The following FGD4 variants were observed in gnomAD, a reference collection of about 807,000 sequenced individuals.
FGD4 encodes FYVE, RhoGEF and PH domain-containing protein 4.
In FGD4, 42 loss-of-function variants were observed where a neutral mutation model predicts 102.0. The observed-to-expected ratio is 0.41, with a 90% CI of 0.32 to 0.53. The LOEUF (loss-of-function observed/expected upper bound fraction) is 0.53, where lower values mean the gene tolerates loss of function less well. Ranked by LOEUF, FGD4 falls within the 20% of genes least tolerant of loss-of-function variation. The probability of loss-of-function intolerance (pLI) is 0.21; values close to 1 mark genes in which losing one functional copy is unlikely to be tolerated. For synonymous variants in FGD4, 380 were observed against 375.7 expected, an observed-to-expected ratio of 1.01 and a Z score of -0.13; for missense variants, 902 against 1,078.2, an observed-to-expected ratio of 0.84 and a Z score of 2.29.
chr12:32,429,924 G>C (rs2651374), intron 1 of FGD4, among the ~76,000 whole-genome samples: 3 of 151,550 alleles, frequency 2.0e-5, no homozygotes, highest in African/African-American at 7.3e-5. Flanking sequence ...TTGTTGAAAC[G>C]AGTCCTGCCA....
At chr12:32,405,205 T>G (rs1720795920) in intron 1 of FGD4, among the ~76,000 whole-genome samples, 1 of 151,116 alleles carries the variant, frequency 6.6e-6, no homozygotes, top group Admixed American at 6.6e-5. Context: ...AGTGCTGGGA[T>G]TACAGGCGTG....
intron 1 of FGD4, among the ~76,000 whole-genome samples, chr12:32,562,927 G>T (rs1450425622): frequency 2.0e-5 from 3 of 152,304 alleles, no homozygotes; most frequent in African/African-American, 4.8e-5. Flanking sequence ...TGAGCTGTTG[G>T]GTACACCTCC....
intron 1 of FGD4, among the ~76,000 whole-genome samples, chr12:32,473,311 C>G (rs564375573): frequency 8.3e-4 from 126 of 152,004 alleles, no homozygotes; most frequent in African/African-American, 2.7e-3. Flanking sequence ...ACTCTTGCTA[C>G]TGCTCACTTT....
At chr12:32,521,059 T>A (rs1442554477) in intron 1 of FGD4, among the ~76,000 whole-genome samples, 2 of 152,084 alleles carry the variant, frequency 1.3e-5, no homozygotes, top group Non-Finnish European at 2.9e-5. Context: ...GCCATAATAA[T>A]GAACAGGACA....
intron 10 of FGD4, among the ~76,000 whole-genome samples, chr12:32,614,660 C>T (rs932196356): frequency 2.0e-5 from 3 of 152,198 alleles, no homozygotes; most frequent in African/African-American, 7.2e-5. Context: ...AATCATTAAG[C>T]GTACACCTTA....
At chr12:32,581,084 T>A (rs1024814352) in intron 3 of FGD4, among the ~76,000 whole-genome samples, 1 of 152,136 alleles carries the variant, frequency 6.6e-6, no homozygotes, top group African/African-American at 2.4e-5. Flanking sequence ...TCTTTGGAGA[T>A]GTGATACCTG....
chr12:32,455,546 G>A (rs1169497120), intron 1 of FGD4, among the ~76,000 whole-genome samples: 1 of 151,942 alleles, frequency 6.6e-6, no homozygotes, highest in Admixed American at 6.6e-5. Context: ...GTATTTTAAC[G>A]TACAAAGGTA....
In FGD4 at chr12:32,643,551, A is replaced by G. The variant is rs1350292077; in HGVS notation, c.*3018A>G. On this transcript the variant is annotated 3_prime_UTR_variant, in exon 17 of 17. Transcript: ENST00000534526. ...GTTTAATTTGACATCAGGTTTGTGT[A>G]CTTATCTTCACTAGGTGACTTAACT... The G allele has an allele frequency of 6.6e-6, 1 of 152,034 alleles. No individual in the cohort carries two copies. Among genetic ancestry groups the G allele is most frequent in the East Asian group, 1.9e-4 (1 of 5,196 alleles). The allele number at this position is 152,034 out of a possible 1,614,324, so 9.4% of individuals were successfully genotyped here.
At chr12:32,426,954 TTTTC>T (rs1941858445) in intron 1 of FGD4, among the ~76,000 whole-genome samples, 1 of 69,696 alleles carries the variant, frequency 1.4e-5, no homozygotes, top group African/African-American at 8.8e-5. Context: ...TTCTTCTTTC[TTTTC>T]TTCTTTCTTA....
chr12:32,601,828 C>T lies in FGD4; in HGVS notation c.1248-333C>T, dbSNP rs895847200. Among the ~76,000 whole-genome samples, 14 of 152,160 alleles carry T rather than the reference C, an allele frequency of 9.2e-5. 1 individual carries two copies. The highest frequency in any genetic ancestry group is 6.2e-4 in the South Asian group (3 of 4,832). ...CATTCTATAAGAAATCTTAATGTGC[C>T]GGGCGTGGTGGCTCATGCCTATAAT... On this transcript the variant is annotated intron_variant, in intron 6 of 16. Coordinates refer to ENST00000534526, the MANE Select transcript of FGD4 (RefSeq NM_001370298.3).
In FGD4 at chr12:32,559,472, C is replaced by T. The variant is rs114317298; in HGVS notation, c.167-4665C>T. Among the ~76,000 whole-genome samples, 1,130 of 152,272 alleles carry T rather than the reference C, an allele frequency of 7.4e-3. 16 individuals are homozygous for T. The highest frequency in any genetic ancestry group is 0.026 in the African/African-American group (1,096 of 41,560). On this transcript the variant is annotated intron_variant, in intron 1 of 16. Coordinates refer to ENST00000534526, the MANE Select transcript of FGD4 (RefSeq NM_001370298.3). ...AAATGTTTAAAAATGTAAATGTTCTCTGTGTCCTTCACCATGTTTTCATGC... is the reference window on the plus strand; with the variant it reads ...AAATGTTTAAAAATGTAAATGTTCTTTGTGTCCTTCACCATGTTTTCATGC...
chr12:32,409,114 T>G (rs778107892), intron 1 of FGD4, among the ~76,000 whole-genome samples: 1 of 152,176 alleles, frequency 6.6e-6, no homozygotes, highest in Non-Finnish European at 1.5e-5. Flanking sequence ...CTTGTTTGGC[T>G]TCAAATTCTG....
At chr12:32,627,483 T>C (rs1218824282) in intron 14 of FGD4, among the ~76,000 whole-genome samples, 1 of 152,090 alleles carries the variant, frequency 6.6e-6, no homozygotes, top group African/African-American at 2.4e-5. Context: ...GTGTGTTCAC[T>C]GAAGAATGAA....
Position 32,582,472 on chromosome 12 carries a change from A to C in FGD4, c.1011+5A>C. 6.2e-7 allele frequency: 1 copy of C among 1,608,570 alleles called. No homozygotes were observed. The highest frequency in any genetic ancestry group is 8.5e-7 in the Non-Finnish European group (1 of 1,179,996). On this transcript the variant is annotated splice_donor_5th_base_variant and intron_variant, in intron 4 of 16. Transcript: ENST00000534526. The stretch of plus-strand genomic sequence containing the variant: ...GACCAGCACCATGAGATGAAGGTAG[A>C]GCATGAGACTAGCTCATGAGCAGGG...
At chr12:32,567,612 A>G (rs1945298238) in intron 2 of FGD4, among the ~76,000 whole-genome samples, 1 of 152,154 alleles carries the variant, frequency 6.6e-6, no homozygotes, top group Non-Finnish European at 1.5e-5. Flanking sequence ...ACCTAGATAA[A>G]AATAAGCACG....
At chr12:32,538,648 T>C (rs1046622052) in intron 1 of FGD4, among the ~76,000 whole-genome samples, 3 of 152,296 alleles carry the variant, frequency 2.0e-5, no homozygotes, top group Admixed American at 1.3e-4. Flanking sequence ...ATTAATGGGC[T>C]GTGTCGTAAG....
rs531783213 is a variant in FGD4, at chr12:32,634,774, A to G, written c.2313+1085A>G. Among the ~76,000 whole-genome samples, 6 of 152,318 alleles carry G rather than the reference A, an allele frequency of 3.9e-5. No homozygotes were observed. In the East Asian group the frequency reaches 9.6e-4, roughly 24 times the overall value. ...GGGAAGTTGAGGCAGTTGGATCACG[A>G]GGTCAAGAGATCAAGACCATCCTGG... On this transcript the variant is annotated intron_variant, in intron 15 of 16. Transcript: ENST00000534526.
chr12:32,512,185 A>C (rs1027133135), intron 1 of FGD4, among the ~76,000 whole-genome samples: 23 of 152,160 alleles, frequency 1.5e-4, no homozygotes, highest in African/African-American at 5.5e-4. Context: ...AGTGGCTCTC[A>C]CCTGTAATCC....
At chr12:32,455,686 G>T (rs1442192514) in intron 1 of FGD4, among the ~76,000 whole-genome samples, 1 of 152,080 alleles carries the variant, frequency 6.6e-6, no homozygotes, top group East Asian at 1.9e-4. Context: ...GTGAAATAGA[G>T]GTGTTTTTAT....
Sources: allele counts gnomAD v4.1 joint callset (sites outside exome capture counted in the v4.1 genomes callset), GRCh38; gene constraint gnomAD v4.1.1; transcripts MANE v1.5; gene names NCBI Gene and HGNC (gene_info 2026-07-23, HGNC 2026-07-21).